CCDC25: variants seen among roughly 807,000 people sequenced by gnomAD.
CCDC25 encodes coiled-coil domain-containing protein 25.
In CCDC25, 16 loss-of-function variants were observed where a neutral mutation model predicts 35.3. The observed-to-expected ratio is 0.45, with a 90% CI of 0.31 to 0.69. The LOEUF (loss-of-function observed/expected upper bound fraction) is 0.69. Ranked by LOEUF, CCDC25 falls within the 30% of genes least tolerant of loss-of-function variation. CCDC25 has a pLI of 0.06. For missense variants in CCDC25, 179 were observed against 250.7 expected, an observed-to-expected ratio of 0.71 and a Z score of 1.93; for synonymous variants, 79 against 80.3, an observed-to-expected ratio of 0.98 and a Z score of 0.09.
At chr8:27,757,585 C>G (rs944970160) in intron 3 of CCDC25, among the ~76,000 whole-genome samples, 1 of 152,090 alleles carries the variant, frequency 6.6e-6, no homozygotes, top group African/African-American at 2.4e-5. Context: ...CTTTTAAAAT[C>G]TATGCAACAT....
chr8:27,751,854 G>A (rs972086392), intron 5 of CCDC25, among the ~76,000 whole-genome samples: 4 of 152,132 alleles, frequency 2.6e-5, no homozygotes, highest in Admixed American at 1.3e-4. Context: ...GGTATGCCAG[G>A]CCCCATCTAA....
chr8:27,768,217 C>T lies in CCDC25; in HGVS notation c.29-2966G>A, dbSNP rs114711404. ...AATTGGGGGACTCTGGGAGAATATA[C>T]AGGAAATCTTTTACTATACTTGCAA... On this transcript the variant is annotated intron_variant, in intron 1 of 8. Coordinates refer to ENST00000356537, the MANE Select transcript of CCDC25 (RefSeq NM_018246.3). 8.6e-3 allele frequency among the ~76,000 whole-genome samples: 1,301 copies of T among 151,532 alleles called. 24 individuals carry two copies. Among genetic ancestry groups the T allele is most frequent in the African/African-American group, 0.03 (1,239 of 41,308 alleles).
At chr8:27,755,435 T>A (rs186736840) in intron 4 of CCDC25, among the ~76,000 whole-genome samples, 1 of 152,290 alleles carries the variant, frequency 6.6e-6, no homozygotes, top group Admixed American at 6.5e-5. Context: ...AATAAATGAC[T>A]GAATAAATAA....
intron 8 of CCDC25, among the ~76,000 whole-genome samples, chr8:27,739,275 G>A (rs1328532712): frequency 1.3e-5 from 2 of 152,134 alleles, no homozygotes; most frequent in Non-Finnish European, 2.9e-5. Context: ...AAGGAGCCTC[G>A]TACATTTAGT....
chr8:27,750,390 T>C (rs1263868392), intron 5 of CCDC25, among the ~76,000 whole-genome samples: 2 of 152,188 alleles, frequency 1.3e-5, no homozygotes, highest in Non-Finnish European at 2.9e-5. Flanking sequence ...ATGAAAATAA[T>C]ATCTAACTCA....
At chr8:27,772,106 G>A (rs747269743) in intron 1 of CCDC25, 1 of 213,390 alleles carries the variant, frequency 4.7e-6, no homozygotes, top group Non-Finnish European at 9.4e-6. Flanking sequence ...TTGTTAGCAG[G>A]TGTCTCCTTT....
chr8:27,772,607 C>T lies in CCDC25; in HGVS notation c.-67G>A, dbSNP rs149449164. On this transcript the variant is annotated 5_prime_UTR_variant, in exon 1 of 9. Coordinates refer to ENST00000356537, the MANE Select transcript of CCDC25 (RefSeq NM_018246.3). ...CGCTCAACTCACGAAGCTCAGGATACCAGACTCGCGGCGGCCGCCTGGCCC... is the reference window on the plus strand; with the variant it reads ...CGCTCAACTCACGAAGCTCAGGATATCAGACTCGCGGCGGCCGCCTGGCCC... 1 of 1,498,770 alleles carries T rather than the reference C, an allele frequency of 6.7e-7. No individual in the cohort carries two copies. The highest frequency in any genetic ancestry group is 9.1e-7 in the Non-Finnish European group (1 of 1,104,594). 92.8% of individuals were successfully genotyped at this position (1,498,770 alleles called of 1,614,324 possible). A position where few individuals can be genotyped will look rare whatever the true frequency, so the allele number is the denominator to read the frequency against.
chr8:27,745,067 CT>C (rs1214228243), intron 7 of CCDC25, among the ~76,000 whole-genome samples: 1 of 152,124 alleles, frequency 6.6e-6, no homozygotes, highest in African/African-American at 2.4e-5. Context: ...ATGCAGTGAG[CT>C]CACTGCAGCC....
intron 1 of CCDC25, among the ~76,000 whole-genome samples, chr8:27,771,511 A>C (rs1554552786): frequency 6.6e-6 from 1 of 151,886 alleles, no homozygotes; most frequent in Non-Finnish European, 1.5e-5. Context: ...AAGTTAGGTG[A>C]CTCTGCTCTC....
chr8:27,747,972 A>G, intron 7 of CCDC25, 105 bp downstream of exon 7: 1 of 1,102,606 alleles, frequency 9.1e-7, no homozygotes, highest in Non-Finnish European at 1.3e-6. Context: ...AGCTTGTTAC[A>G]TGTCCCTCCT....
intron 5 of CCDC25, among the ~76,000 whole-genome samples, chr8:27,749,649 C>T (rs1803725655): frequency 6.6e-6 from 1 of 151,978 alleles, no homozygotes; most frequent in Non-Finnish European, 1.5e-5. Flanking sequence ...CAAGTAAATA[C>T]AGCACATGGC....
In CCDC25 at chr8:27,752,598, A is replaced by C. The variant is rs200960166; in HGVS notation, c.169-11T>G. On this transcript the variant is annotated splice_polypyrimidine_tract_variant and intron_variant, in intron 4 of 8. Coordinates refer to ENST00000356537, the MANE Select transcript of CCDC25 (RefSeq NM_018246.3). ...TTCTATATTCTCTCCCTGAAACACA[A>C]AAATAAACCAATTGGTCCACTACCT... is the stretch of plus-strand genomic sequence containing the variant. 1 of 1,607,842 alleles carries C rather than the reference A, an allele frequency of 6.2e-7. No individual in the cohort carries two copies. Among genetic ancestry groups the C allele is most frequent in the African/African-American group, 1.3e-5 (1 of 74,884 alleles).
At chr8:27,747,470 T>C (rs1803644600) in intron 7 of CCDC25, among the ~76,000 whole-genome samples, 1 of 152,210 alleles carries the variant, frequency 6.6e-6, no homozygotes, top group Admixed American at 6.5e-5. Context: ...AATAAATGTG[T>C]GTTGTTTTAA....
intron 1 of CCDC25, among the ~76,000 whole-genome samples, chr8:27,769,037 A>G (rs1804497824): frequency 6.6e-6 from 1 of 152,226 alleles, no homozygotes; most frequent in Non-Finnish European, 1.5e-5. Flanking sequence ...TTTTCTTCCC[A>G]TTTTAAAAAA....
In CCDC25 at chr8:27,737,221, C is replaced by T. The variant is rs1017221564; in HGVS notation, c.598-976G>A. Reference sequence around the variant, plus strand: ...ATGCCTTCGATAATTGTACAAAGAACAGACTAATGATTGTGTTATATCCAG... The same window carrying T: ...ATGCCTTCGATAATTGTACAAAGAATAGACTAATGATTGTGTTATATCCAG... On this transcript the variant is annotated intron_variant, in intron 8 of 8. Coordinates refer to ENST00000356537, the MANE Select transcript of CCDC25 (RefSeq NM_018246.3). The surrounding 1 kb of genome is among the most constrained non-coding windows in gnomAD (Gnocchi z 4.6). Among the ~76,000 whole-genome samples the T allele has an allele frequency of 1.3e-5, 2 of 152,186 alleles. No homozygotes were observed. Among genetic ancestry groups the T allele is most frequent in the Non-Finnish European group, 2.9e-5 (2 of 68,028 alleles).
intron 8 of CCDC25, among the ~76,000 whole-genome samples, chr8:27,740,011 C>T (rs2128936135): frequency 6.6e-6 from 1 of 152,256 alleles, no homozygotes; most frequent in African/African-American, 2.4e-5. Context: ...TGAAAACAAA[C>T]AATTTTGTCA....
chr8:27,764,017 A>T (rs987681463), intron 2 of CCDC25, among the ~76,000 whole-genome samples: 2 of 152,222 alleles, frequency 1.3e-5, no homozygotes, highest in Non-Finnish European at 2.9e-5. Context: ...CTCCCTGATG[A>T]CACCTGCTGG....
Position 27,772,576 on chromosome 8 carries a change from C to A in CCDC25, c.-36G>T. The stretch of plus-strand genomic sequence containing the variant: ...GCGGTGCGGTGACTCCACCGCGGAG[C>A]AGCAGCGCTCAACTCACGAAGCTCA... On this transcript the variant is annotated 5_prime_UTR_variant, in exon 1 of 9. Coordinates refer to ENST00000356537, the MANE Select transcript of CCDC25 (RefSeq NM_018246.3). 6.5e-7 allele frequency: 1 copy of A among 1,544,090 alleles called. No homozygotes were observed. Among genetic ancestry groups the A allele is most frequent in the Non-Finnish European group, 8.8e-7 (1 of 1,142,740 alleles).
rs150006124 is a variant in CCDC25, at chr8:27,748,205, G to T, written c.423C>A (p.Phe141Leu). Reference protein sequence around the residue: ...NRLEKTKVERFPDLAAEKECR... With the variant: ...NRLEKTKVERLPDLAAEKECR... ...ATTCTTTCTCTGCTGCTAGGTCTGG[G>T]AACCGCTCGACTTTGGTCTTTTCTA... is the stretch of plus-strand genomic sequence containing the variant. Residue 141 changes from phenylalanine (F) to leucine (L), a missense_variant, in exon 7 of 9, where the codon TTC (phenylalanine) becomes TTA (leucine). Physicochemically the swap from Phe to Leu is conservative, Grantham distance 22. Transcript: ENST00000356537. 3 of 1,613,790 alleles carry T rather than the reference G, an allele frequency of 1.9e-6. No homozygotes were observed. The highest frequency in any genetic ancestry group is 1.1e-5 in the South Asian group (1 of 91,070).
Sources: gnomAD v4.1 joint callset for allele counts (sites outside exome capture counted in the v4.1 genomes callset) on GRCh38, gnomAD v4.1.1 for gene constraint, Gnocchi (gnomAD v3.1) non-coding constraint, MANE v1.5 for transcripts, NCBI Gene and HGNC (gene_info 2026-07-23, HGNC 2026-07-21) for gene names.